PKP4: variants seen among roughly 807,000 people sequenced by gnomAD.
PKP4 encodes plakophilin-4.
A neutral mutation model predicts 145.1 loss-of-function variants in PKP4; 90 were observed. That is an observed-to-expected ratio of 0.62 (90% CI 0.52 to 0.74). PKP4 has a LOEUF of 0.74. PKP4 is among the 30% of genes least tolerant of loss of function. The pLI is 0.00. For missense variants in PKP4, 1,340 were observed against 1,482.7 expected, an observed-to-expected ratio of 0.90 and a Z score of 1.58; for synonymous variants, 563 against 577.2, an observed-to-expected ratio of 0.98 and a Z score of 0.35.
At chr2:158,577,033 T>A (rs1444176671) in intron 2 of PKP4, among the ~76,000 whole-genome samples, 1 of 151,792 alleles carries the variant, frequency 6.6e-6, no homozygotes, top group Non-Finnish European at 1.5e-5. Flanking sequence ...AAAAGGCAAA[T>A]AAAGATCTAC....
chr2:158,679,441 G>GT (rs892123312), intron 21 of PKP4: 10 of 152,146 alleles, frequency 6.6e-5, no homozygotes, highest in African/African-American at 2.2e-4. Context: ...TTATGCTATG[G>GT]TTTTTTAGTC....
intron 1 of PKP4, among the ~76,000 whole-genome samples, chr2:158,478,664 A>C (rs1395342236): frequency 1.3e-5 from 2 of 152,260 alleles, no homozygotes; most frequent in Non-Finnish European, 2.9e-5. Flanking sequence ...TATTTTGGTA[A>C]CTGTTAAAAA....
At chr2:158,625,723 C>G (rs1408755313) in intron 7 of PKP4, among the ~76,000 whole-genome samples, 1 of 151,908 alleles carries the variant, frequency 6.6e-6, no homozygotes, top group Non-Finnish European at 1.5e-5. Context: ...GTATTAGTTG[C>G]AATTCTAAGC....
intron 2 of PKP4, among the ~76,000 whole-genome samples, chr2:158,541,683 A>G (rs912547293): frequency 6.6e-6 from 1 of 152,140 alleles, no homozygotes; most frequent in Admixed American, 6.6e-5. Flanking sequence ...AAGAAAATTT[A>G]ATTTTTCCTT....
chr2:158,465,374 A>C (rs912697125), intron 1 of PKP4, among the ~76,000 whole-genome samples: 1 of 152,198 alleles, frequency 6.6e-6, no homozygotes, highest in African/African-American at 2.4e-5. Flanking sequence ...TTTCAAAATA[A>C]GTTTTAATCA....
chr2:158,584,105 T>C (rs2048583747), intron 3 of PKP4, among the ~76,000 whole-genome samples: 2 of 152,196 alleles, frequency 1.3e-5, no homozygotes, highest in South Asian at 2.1e-4. Context: ...CCAAGTGGCC[T>C]GCTGGCGGGG....
intron 3 of PKP4, among the ~76,000 whole-genome samples, chr2:158,591,726 G>A (rs1465236): frequency 0.51 from 78,092 of 151,746 alleles, 20,453 homozygotes; most frequent in South Asian, 0.69. Context: ...TTAAATAAAT[G>A]TCATTTATTA....
intron 3 of PKP4, among the ~76,000 whole-genome samples, chr2:158,590,306 G>T (rs2108215): frequency 0.52 from 74,727 of 142,452 alleles, 19,256 homozygotes; most frequent in South Asian, 0.71. Context: ...AAGGAGGAAT[G>T]TCTTGAGTGT....
chr2:158,566,934 A>C (rs1440307764), intron 2 of PKP4, among the ~76,000 whole-genome samples: 1 of 152,180 alleles, frequency 6.6e-6, no homozygotes, highest in Non-Finnish European at 1.5e-5. Flanking sequence ...TCAACAATTA[A>C]ATGTCAGTAG....
At chr2:158,617,118 A>G (rs1338504322) in intron 4 of PKP4, among the ~76,000 whole-genome samples, 1 of 152,242 alleles carries the variant, frequency 6.6e-6, no homozygotes, top group African/African-American at 2.4e-5. Context: ...AGTTTTAAAT[A>G]TTAGAGCACT....
intron 2 of PKP4, among the ~76,000 whole-genome samples, chr2:158,575,520 T>G (rs1235615901): frequency 1.3e-5 from 2 of 152,200 alleles, no homozygotes; most frequent in African/African-American, 2.4e-5. Flanking sequence ...AATGGAATTT[T>G]TTTTCTATGT....
intron 2 of PKP4, among the ~76,000 whole-genome samples, chr2:158,562,591 C>T (rs889819244): frequency 2.6e-5 from 4 of 151,978 alleles, no homozygotes; most frequent in African/African-American, 9.7e-5. Context: ...ACTTAAAGCC[C>T]TGTACAATTA....
At chr2:158,643,424 G>C (rs540237023) in intron 11 of PKP4, among the ~76,000 whole-genome samples, 4 of 152,226 alleles carry the variant, frequency 2.6e-5, no homozygotes, top group East Asian at 1.9e-4. Context: ...TTAAAACCTC[G>C]TGAGGGCCAA....
At chr2:158,507,335 G>C (rs1346639271) in intron 1 of PKP4, among the ~76,000 whole-genome samples, 1 of 152,202 alleles carries the variant, frequency 6.6e-6, no homozygotes, top group East Asian at 1.9e-4. Flanking sequence ...GGGTAGCTTT[G>C]TTGTGATGTA....
chr2:158,468,490 T>C (rs1573946345), intron 1 of PKP4, among the ~76,000 whole-genome samples: 1 of 152,318 alleles, frequency 6.6e-6, no homozygotes, highest in Non-Finnish European at 1.5e-5. Flanking sequence ...ACATTTAATT[T>C]TCTATAACAA....
intron 1 of PKP4, among the ~76,000 whole-genome samples, chr2:158,522,629 C>T (rs989743698): frequency 6.6e-6 from 1 of 152,150 alleles, no homozygotes; most frequent in Non-Finnish European, 1.5e-5. Context: ...GGGGAGGAGC[C>T]AAGATGGCCG....
chr2:158,590,205 A>G (rs917357258), intron 3 of PKP4, among the ~76,000 whole-genome samples: 2 of 151,972 alleles, frequency 1.3e-5, no homozygotes, highest in Admixed American at 1.3e-4. Flanking sequence ...TAGACTACAG[A>G]TTTTCACAGC....
intron 3 of PKP4, among the ~76,000 whole-genome samples, chr2:158,584,603 C>T (rs2048638536): frequency 6.6e-6 from 1 of 152,182 alleles, no homozygotes; most frequent in Non-Finnish European, 1.5e-5. Context: ...AGGAGGATCA[C>T]TTGAGGCCAG....
intron 9 of PKP4, among the ~76,000 whole-genome samples, chr2:158,635,987 GAA>G (rs1024837581): frequency 6.6e-6 from 1 of 152,088 alleles, no homozygotes; most frequent in Non-Finnish European, 1.5e-5. Context: ...CAGTTGGCCT[GAA>G]AAATTCTCTT....
Sources: allele counts gnomAD v4.1 joint callset (sites outside exome capture counted in the v4.1 genomes callset), GRCh38; gene constraint gnomAD v4.1.1; transcripts MANE v1.5; gene names NCBI Gene and HGNC (gene_info 2026-07-23, HGNC 2026-07-21).